Variants in WDPCP observed in about 807,000 individuals in gnomAD.
The protein encoded by WDPCP is WD repeat containing planar cell polarity effector.
In WDPCP, 71 loss-of-function variants were observed where a neutral mutation model predicts 93.1. The observed-to-expected ratio is 0.76, with a 90% CI of 0.63 to 0.93. WDPCP has a LOEUF of 0.93. Among genes scored for constraint, WDPCP ranks in the 40% least tolerant of loss-of-function variants. The pLI is 0.00. For missense variants in WDPCP, 844 were observed against 887.4 expected, an observed-to-expected ratio of 0.95 and a Z score of 0.62; for synonymous variants, 315 against 315.0, an observed-to-expected ratio of 1.00 and a Z score of 0.00.
At chr2:63,783,030 G>C (rs374195888) in intron 2 of WDPCP, among the ~76,000 whole-genome samples, 13 of 152,154 alleles carry the variant, frequency 8.5e-5, no homozygotes, top group East Asian at 7.7e-4. Context: ...CAGTATGGGG[G>C]TTTCTCAAAG....
intron 2 of WDPCP, among the ~76,000 whole-genome samples, chr2:63,654,761 G>A (rs927886513): frequency 3.3e-5 from 5 of 152,080 alleles, no homozygotes; most frequent in Admixed American, 2.6e-4. Context: ...CTGGATTACC[G>A]ATAATACCTA....
upstream of WDPCP, among the ~76,000 whole-genome samples, chr2:63,592,214 G>A (rs10200146): frequency 0.39 from 59,103 of 152,104 alleles, 12,137 homozygotes; most frequent in Non-Finnish European, 0.45. Flanking sequence ...CAGTTCATCA[G>A]TGGATTTATA....
In WDPCP at chr2:63,404,368, A is replaced by T. The variant is rs780340046; in HGVS notation, c.1115T>A (p.Leu372His). 1 of 1,614,210 alleles carries T rather than the reference A, an allele frequency of 6.2e-7. No individual in the cohort carries two copies. The highest frequency in any genetic ancestry group is 8.5e-7 in the Non-Finnish European group (1 of 1,180,024). ...ILYETHRRVT[L>H]LAQTELLPSL... Reference sequence around the variant, plus strand: ...AGGCAAAAGTTCAGTCTGTGCTAAGAGAGTCACTCTACGGTGAGTTTCATA... The same window carrying T: ...AGGCAAAAGTTCAGTCTGTGCTAAGTGAGTCACTCTACGGTGAGTTTCATA... The change falls in exon 10 of 18, where the codon CTC (leucine) becomes CAC (histidine). Residue 372 changes from leucine (L) to histidine (H), a missense_variant. Leu to His is a moderately conservative substitution (Grantham distance 99). Coordinates refer to ENST00000272321, the MANE Select transcript of WDPCP (RefSeq NM_015910.7).
intron 10 of WDPCP, among the ~76,000 whole-genome samples, chr2:63,403,134 G>T (rs1238905416): frequency 6.6e-6 from 1 of 152,116 alleles, no homozygotes; most frequent in Non-Finnish European, 1.5e-5. Flanking sequence ...AACTTGGACG[G>T]AGCTGAACGC....
chr2:63,164,950 A>ATGTGT (rs1266256458), intron 15 of WDPCP, among the ~76,000 whole-genome samples: 11 of 152,196 alleles, frequency 7.2e-5, no homozygotes, highest in African/African-American at 2.4e-4. Context: ...AAGAGAAGGC[A>ATGTGT]ATAAGTGAGG....
At chr2:63,497,110 TCAAAAA>T (rs1701272011) in intron 1 of WDPCP, among the ~76,000 whole-genome samples, 1 of 8,926 alleles carries the variant, frequency 1.1e-4, no homozygotes, top group Admixed American at 1.5e-3. Flanking sequence ...AGACTCCATC[TCAAAAA>T]AAAAAAAAAA....
At chr2:63,447,614 T>C (rs1697954045) in intron 6 of WDPCP, among the ~76,000 whole-genome samples, 1 of 152,176 alleles carries the variant, frequency 6.6e-6, no homozygotes, top group Admixed American at 6.5e-5. Context: ...ATTTTGTTCT[T>C]ATTACATTGC....
At chr2:63,699,653 A>C (rs1159959608) in intron 2 of WDPCP, among the ~76,000 whole-genome samples, 1 of 152,248 alleles carries the variant, frequency 6.6e-6, no homozygotes, top group Non-Finnish European at 1.5e-5. Flanking sequence ...GAGCTATAAA[A>C]GAATGAGTCA....
intron 17 of WDPCP, among the ~76,000 whole-genome samples, chr2:63,126,666 G>GTGTTT (rs1553536654): frequency 6.1e-5 from 6 of 98,118 alleles, no homozygotes; most frequent in African/African-American, 2.2e-4. Context: ...CTTGTTTTGT[G>GTGTTT]TTTTTTTTTT....
chr2:63,820,380 T>C (rs1406156438), intron 1 of WDPCP, among the ~76,000 whole-genome samples: 2 of 152,094 alleles, frequency 1.3e-5, no homozygotes, highest in South Asian at 2.1e-4. Context: ...ACAGAAAGCT[T>C]GTGGAGCTTC....
intron 2 of WDPCP, among the ~76,000 whole-genome samples, chr2:63,800,809 T>G (rs1465532216): frequency 2.0e-5 from 3 of 152,096 alleles, no homozygotes; most frequent in Non-Finnish European, 2.9e-5. Flanking sequence ...TCCAAGCACT[T>G]TGGGAGGGCT....
intron 2 of WDPCP, among the ~76,000 whole-genome samples, chr2:63,784,162 G>A (rs559059538): frequency 5.3e-5 from 8 of 151,968 alleles, no homozygotes; most frequent in Non-Finnish European, 8.8e-5. Context: ...AATATTTGTC[G>A]TGTGAATGAA....
At chr2:63,607,119 T>G in intron 3 of WDPCP, 1 of 848,142 alleles carries the variant, frequency 1.2e-6, no homozygotes, top group Non-Finnish European at 1.7e-6. Flanking sequence ...ATTACGTGCT[T>G]CTTGGTACAG....
chr2:63,226,631 C>G (rs1678314864), intron 14 of WDPCP, among the ~76,000 whole-genome samples: 1 of 151,806 alleles, frequency 6.6e-6, no homozygotes, highest in African/African-American at 2.4e-5. Context: ...AGATTATTAG[C>G]TTGGAAAAAT....
rs535898397 is a variant in WDPCP, at chr2:63,337,595, G to A, written c.1749-24284C>T. Among the ~76,000 whole-genome samples the A allele has an allele frequency of 2.0e-5, 3 of 152,278 alleles. No individual in the cohort carries two copies. The South Asian group carries it at 6.2e-4, about 32-fold the overall frequency. Reference sequence around the variant, plus strand: ...AGGAACCTCCATTCTGTTCTTCATAGTGGCTATACTAATTTACATTCTCAC... The same window carrying A: ...AGGAACCTCCATTCTGTTCTTCATAATGGCTATACTAATTTACATTCTCAC... On this transcript the variant is annotated intron_variant, in intron 12 of 17. Coordinates refer to ENST00000272321, the MANE Select transcript of WDPCP (RefSeq NM_015910.7).
At chr2:63,258,074 A>T (rs775285300) in intron 14 of WDPCP, among the ~76,000 whole-genome samples, 5 of 152,184 alleles carry the variant, frequency 3.3e-5, no homozygotes, top group Non-Finnish European at 7.3e-5. Flanking sequence ...AATTGTACTT[A>T]CTTCACAGAG....
Position 63,588,183 on chromosome 2 carries a change from G to A in WDPCP, c.75+14C>T, listed in dbSNP as rs544261053. 1 of 1,559,820 alleles carries A rather than the reference G, an allele frequency of 6.4e-7. No homozygotes were observed. Among genetic ancestry groups the A allele is most frequent in the Non-Finnish European group, 8.7e-7 (1 of 1,150,274 alleles). ...GGTTAAAAGAAAACCCCTTGCCCTC[G>A]GGCCAGGGCTCACCTGTCTCGGGAG... On this transcript the variant is annotated intron_variant, in intron 1 of 17. Transcript: ENST00000272321.
At chr2:63,715,938 G>A (rs1028007766) in intron 2 of WDPCP, among the ~76,000 whole-genome samples, 1 of 152,210 alleles carries the variant, frequency 6.6e-6, no homozygotes, top group Admixed American at 6.5e-5. Flanking sequence ...TGTCACACGA[G>A]GTCGAGGTTG....
At chr2:63,217,066 C>A (rs749528513) in intron 14 of WDPCP, among the ~76,000 whole-genome samples, 5 of 152,068 alleles carry the variant, frequency 3.3e-5, no homozygotes, top group Admixed American at 1.3e-4. Flanking sequence ...AATCAAGAAC[C>A]AAAACAATCT....
Sources: allele counts gnomAD v4.1 joint callset (sites outside exome capture counted in the v4.1 genomes callset), GRCh38; gene constraint gnomAD v4.1.1; transcripts MANE v1.5; gene names NCBI Gene and HGNC (gene_info 2026-07-23, HGNC 2026-07-21).